The following ROBO2 variants were observed in gnomAD, a reference collection of about 807,000 sequenced individuals.
ROBO2 encodes roundabout homolog 2.
In ROBO2, 53 loss-of-function variants were observed where a neutral mutation model predicts 160.8. That is an observed-to-expected ratio of 0.33 (90% CI 0.26 to 0.41). The LOEUF (loss-of-function observed/expected upper bound fraction) is 0.41, where lower values mean the gene tolerates loss of function less well. Among genes scored for constraint, ROBO2 ranks in the 10% least tolerant of loss-of-function variants. The pLI is 1.00. For missense variants in ROBO2, 1,577 were observed against 1,722.4 expected (o/e 0.92, Z 1.49); for synonymous variants, 664 against 611.7 (o/e 1.09, Z -1.26).
intron 2 of ROBO2, among the ~76,000 whole-genome samples, chr3:76,262,916 A>G (rs1241993177): frequency 6.6e-6 from 1 of 152,150 alleles, no homozygotes; most frequent in African/African-American, 2.4e-5. Flanking sequence ...AAAGTTGGAA[A>G]TTCAAGTTTT....
At chr3:76,824,853 G>A (rs1474323620) in intron 2 of ROBO2, among the ~76,000 whole-genome samples, 2 of 152,202 alleles carry the variant, frequency 1.3e-5, no homozygotes, top group Non-Finnish European at 2.9e-5. Flanking sequence ...TTCAGACTTC[G>A]TTGGAGAAGC....
At chr3:76,470,229 A>G (rs918486761) in intron 2 of ROBO2, among the ~76,000 whole-genome samples, 5 of 152,198 alleles carry the variant, frequency 3.3e-5, no homozygotes, top group African/African-American at 4.8e-5. Context: ...AATGCAGTCC[A>G]GATTTAAAAT....
chr3:76,971,478 T>C (rs1165257465), intron 2 of ROBO2, among the ~76,000 whole-genome samples: 1 of 152,220 alleles, frequency 6.6e-6, no homozygotes, highest in Admixed American at 6.6e-5. Flanking sequence ...AGATTTTATA[T>C]GTCAGATGAT....
In ROBO2 at chr3:77,014,732, A is replaced by G. The variant is rs574648145; in HGVS notation, c.110-83282A>G. Among the ~76,000 whole-genome samples, 11 of 152,176 alleles carry G rather than the reference A, an allele frequency of 7.2e-5. No homozygotes were observed. The South Asian group carries it at 1.9e-3, about 26-fold the overall frequency. On this transcript the variant is annotated intron_variant, in intron 2 of 26. Coordinates refer to the ROBO2 transcript ENST00000487694. ...CAAAGGACCACCTAAATTTCACTCT[A>G]TTATCAGAGGGAAGAAAAGGAGAGC...
At chr3:76,083,235 T>C (rs1028976102) in intron 2 of ROBO2, among the ~76,000 whole-genome samples, 3 of 151,996 alleles carry the variant, frequency 2.0e-5, no homozygotes, top group Non-Finnish European at 4.4e-5. Context: ...ATATAAATCA[T>C]TAAAAATTGA....
intron 2 of ROBO2, among the ~76,000 whole-genome samples, chr3:77,139,378 A>G (rs893776939): frequency 1.3e-5 from 2 of 152,206 alleles, no homozygotes; most frequent in Non-Finnish European, 2.9e-5. Flanking sequence ...TTTGAAAATT[A>G]TTAAATTTTA....
chr3:77,108,251 CATATATATGTATACACATATGCATAT>C (rs1560025833), intron 2 of ROBO2, among the ~76,000 whole-genome samples: 6,420 of 120,286 alleles, frequency 0.053, 275 homozygotes, highest in Admixed American at 0.075. Flanking sequence ...TACACATATG[CATATATATGTATACACATATGCATAT>C]ATATATATGT....
At chr3:76,909,492 T>C (rs1254936782) in intron 2 of ROBO2, among the ~76,000 whole-genome samples, 5 of 152,036 alleles carry the variant, frequency 3.3e-5, no homozygotes, top group Admixed American at 2.6e-4. Flanking sequence ...CCCTAAAATC[T>C]CAGAACTCAC....
chr3:77,622,584 G>A, intron 23 of ROBO2, 152 bp downstream of exon 24: 4 of 733,974 alleles, frequency 5.4e-6, no homozygotes, highest in East Asian at 2.7e-5. Flanking sequence ...ATTCAAAAAG[G>A]ATTTGGAAAT....
intron 1 of ROBO2, among the ~76,000 whole-genome samples, chr3:77,080,103 G>A (rs1183211307): frequency 6.6e-6 from 1 of 152,026 alleles, no homozygotes; most frequent in Non-Finnish European, 1.5e-5. Context: ...TTCTTCTCTT[G>A]GCTTTTGTGT....
At chr3:76,593,564 C>T (rs1225298466) in intron 2 of ROBO2, among the ~76,000 whole-genome samples, 1 of 152,032 alleles carries the variant, frequency 6.6e-6, no homozygotes, top group East Asian at 1.9e-4. Flanking sequence ...ATGATCAACA[C>T]ACTAACTTAT....
At chr3:76,435,673 ATTCT>A (rs1430407798) in intron 2 of ROBO2, among the ~76,000 whole-genome samples, 4 of 152,104 alleles carry the variant, frequency 2.6e-5, no homozygotes, top group African/African-American at 9.7e-5. Context: ...CCGCCAGTCC[ATTCT>A]TATGGAACTG....
intron 2 of ROBO2, among the ~76,000 whole-genome samples, chr3:76,944,188 T>C (rs1040716896): frequency 6.6e-6 from 1 of 152,134 alleles, no homozygotes; most frequent in Non-Finnish European, 1.5e-5. Context: ...AATGAGTCAT[T>C]GAAAAAAACA....
intron 2 of ROBO2, among the ~76,000 whole-genome samples, chr3:76,201,889 CAAAAAAA>C (rs3039047): frequency 9.5e-6 from 1 of 105,582 alleles, no homozygotes; most frequent in Non-Finnish European, 1.9e-5. Context: ...CGAGAAATGT[CAAAAAAA>C]AAAAAAAAAA....
chr3:76,287,020 A>G (rs1576268842), intron 2 of ROBO2, among the ~76,000 whole-genome samples: 2 of 152,318 alleles, frequency 1.3e-5, no homozygotes, highest in East Asian at 3.9e-4. Flanking sequence ...GGATCCCAGG[A>G]TCAAGAGGAC....
chr3:77,448,343 A>C (rs1005297604), intron 2 of ROBO2, among the ~76,000 whole-genome samples: 2 of 152,068 alleles, frequency 1.3e-5, no homozygotes, highest in East Asian at 1.9e-4. Flanking sequence ...AGCACCAACT[A>C]CCTACAAATG....
intron 2 of ROBO2, among the ~76,000 whole-genome samples, chr3:76,817,017 A>C (rs1385718711): frequency 4.6e-5 from 7 of 152,086 alleles, no homozygotes; most frequent in Admixed American, 4.6e-4. Context: ...TGGGAGTTGA[A>C]CAGTAAGAAC....
chr3:75,931,140 T>C (rs1171567613), intron 1 of ROBO2, among the ~76,000 whole-genome samples: 1 of 152,214 alleles, frequency 6.6e-6, no homozygotes, highest in African/African-American at 2.4e-5. Context: ...ATTCCTACTT[T>C]TCAGTTTTTT....
At chr3:76,653,477 A>G (rs1575736689) in intron 2 of ROBO2, among the ~76,000 whole-genome samples, 1 of 151,804 alleles carries the variant, frequency 6.6e-6, no homozygotes, top group East Asian at 1.9e-4. Flanking sequence ...AAGTTTCTCA[A>G]ATTATTCGAC....
Sources: allele counts gnomAD v4.1 joint callset (sites outside exome capture counted in the v4.1 genomes callset), GRCh38; gene constraint gnomAD v4.1.1; transcripts MANE v1.5; gene names NCBI Gene and HGNC (gene_info 2026-07-23, HGNC 2026-07-21).